The following KIAA1210 variants were observed in gnomAD, a reference collection of about 807,000 sequenced individuals.
KIAA1210 encodes KIAA1210, also known as acrosomal protein KIAA1210.
Under a neutral mutation model 78.9 loss-of-function variants are expected in KIAA1210, and 48 were observed. The ratio of observed to expected loss-of-function variants is 0.61; its 90% CI spans 0.48 to 0.77. KIAA1210 has a LOEUF of 0.77. KIAA1210 is among the 30% of genes least tolerant of loss of function. The pLI, the probability that KIAA1210 is intolerant of heterozygous loss-of-function variation, is 0.00. For missense variants in KIAA1210, 1,108 were observed against 1,100.0 expected (o/e 1.01, Z -0.10); for synonymous variants, 406 against 404.5 (o/e 1.00, Z -0.04).
intron 1 of KIAA1210, among the ~76,000 whole-genome samples, chrX:119,124,888 C>CAA (rs372888063): frequency 4.3e-5 from 3 of 70,434 alleles, no homozygotes; most frequent in Non-Finnish European, 8.3e-5. Flanking sequence ...GACCCTGTCT[C>CAA]AAAAAAAAAA....
chrX:119,110,984 C>A (rs1233362906), intron 3 of KIAA1210, among the ~76,000 whole-genome samples: 1 of 109,290 alleles, frequency 9.1e-6, no homozygotes, highest in Non-Finnish European at 1.9e-5. Context: ...CCACAAATAG[C>A]CAAAATAATC....
At chrX:119,114,849 T>G (rs1928202518) in intron 3 of KIAA1210, among the ~76,000 whole-genome samples, 2 of 112,061 alleles carry the variant, frequency 1.8e-5, no homozygotes. Flanking sequence ...ATTGATCTGT[T>G]CCCTGGAGGC....
chrX:119,082,657 T>C (rs1927001911), intron 11 of KIAA1210, among the ~76,000 whole-genome samples: 1 of 111,953 alleles, frequency 8.9e-6, no homozygotes, highest in African/African-American at 3.2e-5. Context: ...TCATTGGAGA[T>C]GTAGAAAGTG....
rs950429732 is a variant in KIAA1210, at chrX:119,082,947, G to T, written c.4426+68C>A. On this transcript the variant is annotated intron_variant, in intron 11 of 11. Transcript: ENST00000691062. Reference sequence around the variant, plus strand: ...TAAGAGACAAGTATTATCTGAGCTTGAAATTGCAAAAGTTTTACAACATTC... The same window carrying T: ...TAAGAGACAAGTATTATCTGAGCTTTAAATTGCAAAAGTTTTACAACATTC... 1.5e-5 allele frequency: 11 copies of T among 746,673 alleles called. No individual in the cohort carries two copies. The African/African-American group carries it at 2.3e-4, about 16-fold the overall frequency. The allele number at this position is 746,673 out of a possible 1,213,427, so 61.5% of individuals were successfully genotyped here. A position where few individuals can be genotyped will look rare whatever the true frequency, so the allele number is the denominator to read the frequency against.
chrX:119,139,310 G>C (rs1012933803), intron 2 of KIAA1210, among the ~76,000 whole-genome samples: 1 of 111,909 alleles, frequency 8.9e-6, no homozygotes, highest in South Asian at 3.8e-4. Flanking sequence ...GAATTGGGAA[G>C]CCATAAGAAA....
chrX:119,107,985 A>G (rs927065497), intron 5 of KIAA1210, among the ~76,000 whole-genome samples: 7 of 111,798 alleles, frequency 6.3e-5, no homozygotes, highest in African/African-American at 2.0e-4. Context: ...GCTAAGGTGT[A>G]CCCTTCTTTC....
intron 2 of KIAA1210, among the ~76,000 whole-genome samples, chrX:119,120,428 G>A (rs1200872685): frequency 1.8e-5 from 2 of 112,272 alleles, no homozygotes; most frequent in Non-Finnish European, 3.8e-5. Flanking sequence ...GGAGAAGAGA[G>A]TCAGCAGCTA....
intron 6 of KIAA1210, among the ~76,000 whole-genome samples, chrX:119,100,588 T>C (rs1303428400): frequency 9.0e-6 from 1 of 111,692 alleles, no homozygotes; most frequent in African/African-American, 3.3e-5. Context: ...ATCTAAGGGG[T>C]AGAAGCGTAG....
At chrX:119,144,238 G>A (rs984545458) in intron 2 of KIAA1210, among the ~76,000 whole-genome samples, 4 of 112,512 alleles carry the variant, frequency 3.6e-5, no homozygotes, top group African/African-American at 1.3e-4. Flanking sequence ...CACTGGTCAG[G>A]TGACCAACAG....
chrX:119,139,720 A>G (rs1671865995), intron 2 of KIAA1210, among the ~76,000 whole-genome samples: 1 of 112,040 alleles, frequency 8.9e-6, no homozygotes, highest in South Asian at 3.8e-4. Flanking sequence ...CTATAAAAAT[A>G]ATAAATAATA....
chrX:119,135,416 G>A (rs185106719), intron 2 of KIAA1210, among the ~76,000 whole-genome samples: 14 of 112,201 alleles, frequency 1.2e-4, no homozygotes, highest in African/African-American at 4.5e-4. Context: ...GGATCTTAAG[G>A]GAGATAGGTC....
intron 2 of KIAA1210, among the ~76,000 whole-genome samples, chrX:119,146,042 T>C (rs189420042): frequency 2.7e-5 from 3 of 112,318 alleles, no homozygotes; most frequent in African/African-American, 9.7e-5. Flanking sequence ...GGCAATCACA[T>C]CGCATTTTAC....
chrX:119,112,099 C>A (rs1287339761), intron 3 of KIAA1210, among the ~76,000 whole-genome samples: 1 of 110,719 alleles, frequency 9.0e-6, no homozygotes, highest in Non-Finnish European at 1.9e-5. Context: ...TGTGTGGCAT[C>A]CCCGCTTGCA....
At chrX:119,144,509 C>T (rs1055023647) in intron 2 of KIAA1210, among the ~76,000 whole-genome samples, 1 of 111,783 alleles carries the variant, frequency 8.9e-6, no homozygotes, top group Admixed American at 9.5e-5. Flanking sequence ...ACTATGATTA[C>T]CATTTTATTA....
chrX:119,146,209 G>A (rs932758922), intron 2 of KIAA1210, among the ~76,000 whole-genome samples: 1 of 111,853 alleles, frequency 8.9e-6, no homozygotes, highest in Admixed American at 9.5e-5. Flanking sequence ...AGTATATGAG[G>A]TGATGGGTAT....
At chrX:119,123,079 A>G (rs1928517595) in intron 2 of KIAA1210, among the ~76,000 whole-genome samples, 1 of 112,013 alleles carries the variant, frequency 8.9e-6, no homozygotes, top group South Asian at 3.7e-4. Context: ...TCCCTTTCTA[A>G]TTATTCCATG....
intron 3 of KIAA1210, among the ~76,000 whole-genome samples, chrX:119,111,986 G>A (rs1012295820): frequency 4.5e-5 from 5 of 111,146 alleles, no homozygotes; most frequent in Admixed American, 9.5e-5. Context: ...CCCACATGTC[G>A]AGGGAGGAAC....
chrX:119,090,066 G>T (rs1273521496), intron 8 of KIAA1210, among the ~76,000 whole-genome samples: 1 of 111,416 alleles, frequency 9.0e-6, no homozygotes, highest in African/African-American at 3.3e-5. Flanking sequence ...TACCTGTGGG[G>T]AAACTGACTG....
Position 119,105,139 on chromosome X carries a change from T to C in KIAA1210, c.501A>G (p.Pro167=). The C allele has an allele frequency of 3.3e-6, 4 of 1,203,457 alleles. No individual in the cohort carries two copies. Among genetic ancestry groups the C allele is most frequent in the Non-Finnish European group, 4.5e-6 (4 of 892,022 alleles). Reference sequence around the variant, plus strand: ...TGATGCTGAGTCGGCGTCGGCGCGATGGTGGGTTCTGTCAAGAGGGAGAAT... The same window carrying C: ...TGATGCTGAGTCGGCGTCGGCGCGACGGTGGGTTCTGTCAAGAGGGAGAAT... The part of the protein sequence containing the change: ...VAGPKITENP[P]SRRRRLSIIP... The change falls in exon 6 of 12, where the codon CCA becomes CCG. Residue 167 remains proline (P), a synonymous_variant. Coordinates refer to ENST00000691062, the MANE Select transcript of KIAA1210 (RefSeq NM_001394962.1).
Sources: gnomAD v4.1 joint callset for allele counts (sites outside exome capture counted in the v4.1 genomes callset) on GRCh38, gnomAD v4.1.1 for gene constraint, MANE v1.5 for transcripts, NCBI Gene and HGNC (gene_info 2026-07-23, HGNC 2026-07-21) for gene names.